GPR39: variants seen among roughly 807,000 people sequenced by gnomAD.
GPR39 encodes the protein zinc sensing receptor.
GPR39 carries 23 observed loss-of-function variants against 18.4 expected under a neutral mutation model. The ratio of observed to expected loss-of-function variants is 1.25; its 90% CI spans 0.90 to 1.77. GPR39 has a LOEUF of 1.77. Among genes scored for constraint, GPR39 ranks in the 40% most tolerant of loss-of-function variants. GPR39 has a pLI of 0.00. For synonymous variants in GPR39, 280 were observed against 257.9 expected (o/e 1.09, Z -0.82); for missense variants, 647 against 602.4 (o/e 1.07, Z -0.78).
chr2:132,551,469 C>T lies in GPR39; in HGVS notation c.857-93632C>T, dbSNP rs565725082. On this transcript the variant is annotated intron_variant, in intron 1 of 1. Transcript: ENST00000329321. ...ATGCTGAGGAAGAAGAGGGCAATAA[C>T]TGAGGGCTCCATATCACCCTAAAAC... Among the ~76,000 whole-genome samples the T allele has an allele frequency of 2.0e-5, 3 of 152,294 alleles. No homozygotes were observed. In the East Asian group the frequency reaches 5.8e-4, roughly 29 times the overall value.
intron 1 of GPR39, among the ~76,000 whole-genome samples, chr2:132,543,120 A>C (rs1477779911): frequency 6.6e-6 from 1 of 152,194 alleles, no homozygotes; most frequent in African/African-American, 2.4e-5. Context: ...GAATTAGGCA[A>C]GTGGACATTA....
intron 1 of GPR39, among the ~76,000 whole-genome samples, chr2:132,549,222 A>G (rs560794786): frequency 1.3e-5 from 2 of 152,170 alleles, no homozygotes; most frequent in African/African-American, 2.4e-5. Flanking sequence ...TTGTGAGACT[A>G]TCAGACTGTA....
chr2:132,551,463 C>A (rs1680043361), intron 1 of GPR39, among the ~76,000 whole-genome samples: 1 of 152,094 alleles, frequency 6.6e-6, no homozygotes, highest in South Asian at 2.1e-4. Context: ...AAGAAGAGGG[C>A]AATAACTGAG....
chr2:132,445,742 A>G (rs1313591958), intron 1 of GPR39, among the ~76,000 whole-genome samples: 1 of 152,196 alleles, frequency 6.6e-6, no homozygotes, highest in South Asian at 2.1e-4. Context: ...GCTCTCCAAT[A>G]CAATGCTGAC....
chr2:132,476,748 T>A (rs1681138160), intron 1 of GPR39, among the ~76,000 whole-genome samples: 1 of 151,826 alleles, frequency 6.6e-6, no homozygotes, highest in African/African-American at 2.4e-5. Context: ...AAGCATATGA[T>A]GCTTTATCAA....
chr2:132,509,646 GT>G (rs1679204343), intron 1 of GPR39, among the ~76,000 whole-genome samples: 1 of 152,140 alleles, frequency 6.6e-6, no homozygotes, highest in Admixed American at 6.6e-5. Context: ...TGACTTTCAG[GT>G]TACTCATCTG....
intron 1 of GPR39, among the ~76,000 whole-genome samples, chr2:132,433,298 A>G (rs1038419439): frequency 3.7e-4 from 56 of 152,196 alleles, no homozygotes; most frequent in Admixed American, 1.4e-3. Context: ...TAACTGCATA[A>G]AAATTAGCTA....
chr2:132,600,578 A>G lies in GPR39; in HGVS notation c.857-44523A>G, dbSNP rs566822867. 3.9e-5 allele frequency among the ~76,000 whole-genome samples: 6 copies of G among 152,298 alleles called. No homozygotes were observed. In the East Asian group the frequency reaches 9.6e-4, roughly 24 times the overall value. On this transcript the variant is annotated intron_variant, in intron 1 of 1. Transcript: ENST00000329321. ...GGGATCATTAAAGACTATTATGAAC[A>G]ACTACATGCCAACAAATTTGAAAAT...
intron 1 of GPR39, among the ~76,000 whole-genome samples, chr2:132,490,970 TG>T (rs1681448965): frequency 6.6e-6 from 1 of 152,200 alleles, no homozygotes; most frequent in Admixed American, 6.5e-5. Flanking sequence ...GCCCGCGAGC[TG>T]AATTCATAAC....
At chr2:132,604,420 A>G (rs1681098727) in intron 1 of GPR39, 1 of 152,254 alleles carries the variant, frequency 6.6e-6, no homozygotes. Flanking sequence ...CTATAAGGGC[A>G]TAAAAGACAC....
intron 1 of GPR39, among the ~76,000 whole-genome samples, chr2:132,421,453 C>T (rs1265441055): frequency 1.3e-5 from 2 of 151,582 alleles, no homozygotes; most frequent in African/African-American, 4.9e-5. Context: ...AAAGATTTTA[C>T]AGACAGTCAT....
At chr2:132,574,586 T>G (rs1360651227) in intron 1 of GPR39, among the ~76,000 whole-genome samples, 1 of 152,024 alleles carries the variant, frequency 6.6e-6, no homozygotes, top group African/African-American at 2.4e-5. Flanking sequence ...AATACAAAAA[T>G]TAGCTGGACA....
chr2:132,620,359 A>G (rs1681419358), intron 1 of GPR39, among the ~76,000 whole-genome samples: 1 of 151,994 alleles, frequency 6.6e-6, no homozygotes, highest in Non-Finnish European at 1.5e-5. Context: ...ATCTCGCAAT[A>G]TCTTCTGGCC....
chr2:132,461,650 T>C (rs1269373982), intron 1 of GPR39, among the ~76,000 whole-genome samples: 1 of 152,230 alleles, frequency 6.6e-6, no homozygotes, highest in African/African-American at 2.4e-5. Flanking sequence ...GCTGTTTTCA[T>C]ATAGCTTTTT....
chr2:132,636,108 T>C (rs192972241), intron 1 of GPR39, among the ~76,000 whole-genome samples: 1 of 152,338 alleles, frequency 6.6e-6, no homozygotes. Flanking sequence ...GAAACTACTT[T>C]CTTGCCTTTA....
At chr2:132,516,840 G>A (rs549565429) in intron 1 of GPR39, among the ~76,000 whole-genome samples, 1 of 152,272 alleles carries the variant, frequency 6.6e-6, no homozygotes, top group East Asian at 1.9e-4. Flanking sequence ...ATGAATGAAT[G>A]AAACAAAGGG....
intron 1 of GPR39, among the ~76,000 whole-genome samples, chr2:132,447,019 C>T (rs1189655703): frequency 2.0e-5 from 3 of 152,122 alleles, no homozygotes; most frequent in African/African-American, 4.8e-5. Context: ...ATGCATGAAA[C>T]GGGCAAAGCA....
At chr2:132,458,458 TTG>T (rs57137481) in intron 1 of GPR39, among the ~76,000 whole-genome samples, 15,994 of 131,998 alleles carry the variant, frequency 0.12, 924 homozygotes, top group Non-Finnish European at 0.15. Context: ...CTCGGTGTGT[TTG>T]TGTGTGTGTG....
intron 1 of GPR39, among the ~76,000 whole-genome samples, chr2:132,581,719 T>TA (rs140780763): frequency 0.013 from 2,012 of 152,130 alleles, 51 homozygotes; most frequent in African/African-American, 0.046. Context: ...CCGGTAGAAA[T>TA]ATAAAGAAAC....
Sources: gnomAD v4.1 joint callset for allele counts (sites outside exome capture counted in the v4.1 genomes callset) on GRCh38, gnomAD v4.1.1 for gene constraint, MANE v1.5 for transcripts, NCBI Gene and HGNC (gene_info 2026-07-23, HGNC 2026-07-21) for gene names.